Variants in ATP2B2 observed in about 807,000 individuals in gnomAD.
ATP2B2 encodes ATPase plasma membrane Ca2+ transporting 2.
Under a neutral mutation model 120.0 loss-of-function variants are expected in ATP2B2, and 15 were observed. The ratio of observed to expected loss-of-function variants is 0.12; its 90% CI spans 0.08 to 0.19. ATP2B2 has a LOEUF of 0.19. Ranked by LOEUF, ATP2B2 falls within the 10% of genes least tolerant of loss-of-function variation. The pLI, the probability that ATP2B2 is intolerant of heterozygous loss-of-function variation, is 1.00. For synonymous variants in ATP2B2, 694 were observed against 700.3 expected, an observed-to-expected ratio of 0.99 and a Z score of 0.14; for missense variants, 1,045 against 1,719.8, an observed-to-expected ratio of 0.61 and a Z score of 6.94.
chr3:10,591,790 G>A (rs892514972), intron 2 of ATP2B2, among the ~76,000 whole-genome samples: 1 of 152,172 alleles, frequency 6.6e-6, no homozygotes, highest in African/African-American at 2.4e-5. Flanking sequence ...GCTTAGGCTT[G>A]CACTGCTGAA....
chr3:10,414,934 T>A (rs1171908706), intron 2 of ATP2B2, among the ~76,000 whole-genome samples: 1 of 152,130 alleles, frequency 6.6e-6, no homozygotes, highest in African/African-American at 2.4e-5. Flanking sequence ...ACTACGAGCA[T>A]CCCAGAATCA....
At chr3:10,380,599 G>A (rs1238689105) in intron 8 of ATP2B2, among the ~76,000 whole-genome samples, 2 of 152,220 alleles carry the variant, frequency 1.3e-5, no homozygotes, top group Non-Finnish European at 2.9e-5. Flanking sequence ...ATGGAGAGCT[G>A]GCCCCAAAGT....
intron 2 of ATP2B2, among the ~76,000 whole-genome samples, chr3:10,413,363 G>C (rs1234956414): frequency 1.3e-5 from 2 of 152,238 alleles, no homozygotes; most frequent in Admixed American, 6.5e-5. Context: ...CCCAGGGATG[G>C]CTCCCTCCCT....
At chr3:10,535,918 C>CTTT (rs59876463) in intron 2 of ATP2B2, among the ~76,000 whole-genome samples, 1 of 147,676 alleles carries the variant, frequency 6.8e-6, no homozygotes, top group African/African-American at 2.5e-5. Flanking sequence ...TTTCTTTTTT[C>CTTT]TTTTTTTTTT....
chr3:10,339,612 A>G (rs541477476), intron 21 of ATP2B2, among the ~76,000 whole-genome samples: 21 of 152,204 alleles, frequency 1.4e-4, no homozygotes, highest in Non-Finnish European at 5.9e-5. Context: ...AAGGGCCCCT[A>G]AAGAGCATCC....
At chr3:10,599,762 T>C (rs1329520672) in intron 2 of ATP2B2, among the ~76,000 whole-genome samples, 1 of 129,856 alleles carries the variant, frequency 7.7e-6, no homozygotes, top group Non-Finnish European at 1.5e-5. Flanking sequence ...ATGAGAAAAA[T>C]AAAGCCCTGT....
At chr3:10,460,929 T>C (rs929352758) in intron 1 of ATP2B2, among the ~76,000 whole-genome samples, 1 of 152,146 alleles carries the variant, frequency 6.6e-6, no homozygotes, top group African/African-American at 2.4e-5. Flanking sequence ...CCCACAGAGG[T>C]GCCAGGGGAT....
intron 2 of ATP2B2, among the ~76,000 whole-genome samples, chr3:10,544,631 C>T (rs1485823404): frequency 2.6e-5 from 4 of 152,130 alleles, no homozygotes; most frequent in Non-Finnish European, 5.9e-5. Flanking sequence ...GTGTGTGGAT[C>T]AGGCTCCCTT....
chr3:10,688,672 T>A (rs1002420275), intron 1 of ATP2B2, among the ~76,000 whole-genome samples: 1 of 152,166 alleles, frequency 6.6e-6, no homozygotes, highest in African/African-American at 2.4e-5. Flanking sequence ...TGATGTCTCC[T>A]GCGCCAGGCC....
At chr3:10,666,058 A>G (rs2070922723) in intron 1 of ATP2B2, among the ~76,000 whole-genome samples, 1 of 152,208 alleles carries the variant, frequency 6.6e-6, no homozygotes, top group Non-Finnish European at 1.5e-5. Flanking sequence ...GTGGCGCCAC[A>G]GGGACAGAAT....
intron 14 of ATP2B2, among the ~76,000 whole-genome samples, chr3:10,355,156 T>C (rs1286980886): frequency 6.6e-6 from 1 of 152,162 alleles, no homozygotes. Flanking sequence ...TCGGAGGTGC[T>C]GAATCAACAC....
At chr3:10,378,538 A>G in intron 9 of ATP2B2, 128 bp from the exon 10 acceptor site, 1 of 1,265,922 alleles carries the variant, frequency 7.9e-7, no homozygotes, top group Non-Finnish European at 1.1e-6. Flanking sequence ...GCCTGGACTG[A>G]GCCCCGCATG....
intron 1 of ATP2B2, among the ~76,000 whole-genome samples, chr3:10,472,455 G>A (rs1013779429): frequency 5.9e-5 from 9 of 152,218 alleles, no homozygotes; most frequent in South Asian, 2.1e-4. Context: ...TTCCAAGGTC[G>A]CAGGAACCTG....
In ATP2B2 at chr3:10,576,874, T is replaced by C. The variant is rs865919321; in HGVS notation, c.-414-42741A>G. 2.6e-4 allele frequency among the ~76,000 whole-genome samples: 40 copies of C among 151,760 alleles called. 1 individual carries two copies. The highest frequency in any genetic ancestry group is 4.4e-4 in the Non-Finnish European group (30 of 67,874). ...GGTCAGGAATTCGAGACCAGCCTGGTCAATATGGTGAAACCCCGTCTCTAC... is the reference window on the plus strand; with the variant it reads ...GGTCAGGAATTCGAGACCAGCCTGGCCAATATGGTGAAACCCCGTCTCTAC... On this transcript the variant is annotated intron_variant, in intron 2 of 21. Coordinates refer to the ATP2B2 transcript ENST00000646379.
chr3:10,400,917 C>T (rs372478644), intron 5 of ATP2B2, 36 bp downstream of exon 5: 38 of 1,612,872 alleles, frequency 2.4e-5, no homozygotes, highest in Non-Finnish European at 2.9e-5. Flanking sequence ...CTGTGCATGG[C>T]GACGGGAATG....
chr3:10,703,243 C>G (rs1352973768), intron 1 of ATP2B2, among the ~76,000 whole-genome samples: 1 of 152,206 alleles, frequency 6.6e-6, no homozygotes, highest in Non-Finnish European at 1.5e-5. Flanking sequence ...GGGCTACAAT[C>G]AGCGTCTCTG....
In ATP2B2 at chr3:10,343,075, G is replaced by A. The variant is rs1046140269; in HGVS notation, c.2704-110C>T. On this transcript the variant is annotated intron_variant, in intron 18 of 22. Transcript: ENST00000360273. The surrounding 1 kb of genome is among the most constrained non-coding windows in gnomAD (Gnocchi z 4.2). ...AGGCTCCTGCTGGAGGCTGGAGTCC[G>A]ACCTGCCCCTTGGCTCCCCAGCAGG... 23 of 1,150,606 alleles carry A rather than the reference G, an allele frequency of 2.0e-5. No homozygotes were observed. Among genetic ancestry groups the A allele is most frequent in the Middle Eastern group, 5.6e-4 (2 of 3,542 alleles). 71.3% of individuals were successfully genotyped at this position (1,150,606 alleles called of 1,614,324 possible).
chr3:10,465,180 C>T (rs545263101), intron 1 of ATP2B2, among the ~76,000 whole-genome samples: 36 of 152,360 alleles, frequency 2.4e-4, no homozygotes, highest in Admixed American at 1.2e-3. Context: ...CAAGTCCTGC[C>T]CAGATCCCTC....
At chr3:10,521,211 GC>G (rs1340148856) in intron 3 of ATP2B2, among the ~76,000 whole-genome samples, 21 of 152,202 alleles carry the variant, frequency 1.4e-4, no homozygotes, top group African/African-American at 5.1e-4. Context: ...TTCCTGCCAA[GC>G]CCTGCACCTG....
Sources: allele counts gnomAD v4.1 joint callset (sites outside exome capture counted in the v4.1 genomes callset), GRCh38; gene constraint gnomAD v4.1.1; non-coding constraint Gnocchi (gnomAD v3.1); transcripts MANE v1.5; gene names NCBI Gene and HGNC (gene_info 2026-07-23, HGNC 2026-07-21).